CTNNA1: variants seen among roughly 807,000 people sequenced by gnomAD.
CTNNA1 encodes the protein catenin alpha 1.
A neutral mutation model predicts 98.4 loss-of-function variants in CTNNA1; 37 were observed. The ratio of observed to expected loss-of-function variants is 0.38; its 90% CI spans 0.29 to 0.49. The LOEUF (loss-of-function observed/expected upper bound fraction) is 0.49. CTNNA1 is among the 20% of genes least tolerant of loss of function. CTNNA1 has a pLI of 0.95. For missense variants in CTNNA1, 761 were observed against 1,147.2 expected, an observed-to-expected ratio of 0.66 and a Z score of 4.86; for synonymous variants, 404 against 413.2, an observed-to-expected ratio of 0.98 and a Z score of 0.27.
In CTNNA1 at chr5:138,860,199, T is replaced by C. The variant is rs538188482; in HGVS notation, c.1063-26013T>C. On this transcript the variant is annotated intron_variant, in intron 7 of 17. Transcript: ENST00000302763. Reference sequence around the variant, plus strand: ...GTGATTTATGTTTTTACTGGAAATATATTTGTTTAATAATTCTAGTTATAA... The same window carrying C: ...GTGATTTATGTTTTTACTGGAAATACATTTGTTTAATAATTCTAGTTATAA... 3.5e-4 allele frequency among the ~76,000 whole-genome samples: 54 copies of C among 152,360 alleles called. 1 individual carries two copies. The South Asian group carries it at 0.011, about 31-fold the overall frequency.
chr5:138,898,495 A>G (rs1257817222), intron 9 of CTNNA1, among the ~76,000 whole-genome samples: 1 of 152,066 alleles, frequency 6.6e-6, no homozygotes, highest in African/African-American at 2.4e-5. Context: ...GAGAACTTTA[A>G]AAGTGGTTCA....
chr5:138,830,006 A>G (rs1410983831), intron 7 of CTNNA1, among the ~76,000 whole-genome samples: 1 of 152,098 alleles, frequency 6.6e-6, no homozygotes, highest in African/African-American at 2.4e-5. Context: ...CTCTACTAAA[A>G]ATACAAAAAA....
intron 7 of CTNNA1, among the ~76,000 whole-genome samples, chr5:138,851,167 T>A (rs1291971274): frequency 6.6e-6 from 1 of 152,270 alleles, no homozygotes; most frequent in East Asian, 1.9e-4. Flanking sequence ...GTAGAACATA[T>A]CATGGATGAC....
In CTNNA1 at chr5:138,783,079, G is replaced by A; in HGVS notation, c.106-98G>A. 5 of 919,186 alleles carry A rather than the reference G, an allele frequency of 5.4e-6. No homozygotes were observed. In the South Asian group the frequency reaches 8.4e-5, roughly 16 times the overall value. The allele number at this position is 919,186 out of a possible 1,614,324, so 56.9% of individuals were successfully genotyped here. A position where few individuals can be genotyped will look rare whatever the true frequency, so the allele number is the denominator to read the frequency against. On this transcript the variant is annotated intron_variant, in intron 2 of 17. Transcript: ENST00000302763. ...ATGTTAATGTTCAGTGGAATCTCAT[G>A]TGATTTTTTAAAAGAATAACTTAAT...
chr5:138,789,217 T>C (rs1474305422), intron 3 of CTNNA1, among the ~76,000 whole-genome samples: 1 of 151,350 alleles, frequency 6.6e-6, no homozygotes, highest in Non-Finnish European at 1.5e-5. Flanking sequence ...TAATGATACA[T>C]GAATACGAAA....
At chr5:138,806,156 C>T (rs1318815702) in intron 3 of CTNNA1, among the ~76,000 whole-genome samples, 3 of 152,184 alleles carry the variant, frequency 2.0e-5, no homozygotes, top group Non-Finnish European at 2.9e-5. Flanking sequence ...TGAATATTCT[C>T]GGCACTCTTG....
At chr5:138,776,362 AAGGTCACCGATCAAC>A (rs1754167913) in intron 1 of CTNNA1, among the ~76,000 whole-genome samples, 1 of 152,126 alleles carries the variant, frequency 6.6e-6, no homozygotes, top group South Asian at 2.1e-4. Flanking sequence ...GGTTGGGGGT[AAGGTCACCGATCAAC>A]AGGATCACAA....
At chr5:138,796,404 C>T (rs967109929) in intron 3 of CTNNA1, among the ~76,000 whole-genome samples, 3 of 151,990 alleles carry the variant, frequency 2.0e-5, no homozygotes, top group Non-Finnish European at 4.4e-5. Flanking sequence ...ATTAGCCAGG[C>T]GCGGTGGCGG....
chr5:138,807,848 A>G (rs1421378724), intron 3 of CTNNA1, among the ~76,000 whole-genome samples: 1 of 151,982 alleles, frequency 6.6e-6, no homozygotes, highest in Non-Finnish European at 1.5e-5. Context: ...CCCAGGTTCA[A>G]GTGATTCTTG....
intron 1 of CTNNA1, among the ~76,000 whole-genome samples, chr5:138,761,052 T>C (rs951527841): frequency 2.6e-5 from 4 of 152,238 alleles, no homozygotes; most frequent in African/African-American, 9.6e-5. Context: ...GGATCTGCCT[T>C]GTCAACTGTA....
At chr5:138,753,597 C>T (rs1580814836) in intron 1 of CTNNA1, 87 bp downstream of exon 1, 1 of 336,068 alleles carries the variant, frequency 3.0e-6, no homozygotes, top group South Asian at 1.4e-4. Context: ...AGCTGGGCCC[C>T]GCGAGCCGCG....
chr5:138,820,047 C>CT (rs1433649392), intron 5 of CTNNA1, among the ~76,000 whole-genome samples: 2 of 140,032 alleles, frequency 1.4e-5, no homozygotes, highest in African/African-American at 2.6e-5. Flanking sequence ...CTGCCCCCCA[C>CT]CGCCAGCCAT....
intron 7 of CTNNA1, among the ~76,000 whole-genome samples, chr5:138,850,487 A>G (rs569241258): frequency 6.6e-6 from 1 of 152,346 alleles, no homozygotes; most frequent in South Asian, 2.1e-4. Flanking sequence ...TATTTAACAA[A>G]TAATTAATAC....
Position 138,763,583 on chromosome 5 carries a change from A to G in CTNNA1, c.-3+10073A>G, listed in dbSNP as rs139192963. Among the ~76,000 whole-genome samples the G allele has an allele frequency of 4.7e-3, 722 of 152,294 alleles. 3 individuals are homozygous for G. The highest frequency in any genetic ancestry group is 0.015 in the African/African-American group (607 of 41,560). The stretch of plus-strand genomic sequence containing the variant: ...ATCTTTGAACTCCTGAACTCAAGCG[A>G]TCTGCCCACCTTGGCCTCCAAAGTG... On this transcript the variant is annotated intron_variant, in intron 1 of 17. Transcript: ENST00000302763.
chr5:138,872,757 TTTC>T, intron 7 of CTNNA1: 1 of 371,738 alleles, frequency 2.7e-6, no homozygotes, highest in Admixed American at 4.2e-5. Flanking sequence ...ATTACATACA[TTTC>T]TTATTTTGAA....
At chr5:138,821,714 A>T (rs1335932280) in intron 5 of CTNNA1, among the ~76,000 whole-genome samples, 1 of 152,194 alleles carries the variant, frequency 6.6e-6, no homozygotes, top group Non-Finnish European at 1.5e-5. Flanking sequence ...CATTCAGATT[A>T]CATTGAAAGC....
At chr5:138,807,793 G>A (rs753345453) in intron 3 of CTNNA1, among the ~76,000 whole-genome samples, 3 of 152,014 alleles carry the variant, frequency 2.0e-5, no homozygotes, top group Non-Finnish European at 4.4e-5. Context: ...TGTTGCTCAG[G>A]CTGGAGTGCA....
chr5:138,924,379 A>G (rs576241279), intron 11 of CTNNA1, 131 bp from the exon 12 acceptor site: 7 of 781,926 alleles, frequency 9.0e-6, no homozygotes, highest in African/African-American at 3.4e-5. Flanking sequence ...GGTCTCTCCA[A>G]TGAAGTATAT....
chr5:138,898,692 C>T (rs915861206), intron 9 of CTNNA1, among the ~76,000 whole-genome samples: 1 of 152,094 alleles, frequency 6.6e-6, no homozygotes, highest in African/African-American at 2.4e-5. Context: ...ATTTGTCTTC[C>T]CAAGTCTGAA....
Sources: allele counts gnomAD v4.1 joint callset (sites outside exome capture counted in the v4.1 genomes callset), GRCh38; gene constraint gnomAD v4.1.1; transcripts MANE v1.5; gene names NCBI Gene and HGNC (gene_info 2026-07-23, HGNC 2026-07-21).